TMEM181: variants seen among roughly 807,000 people sequenced by gnomAD.
The protein encoded by TMEM181 is transmembrane protein 181.
TMEM181 carries 39 observed loss-of-function variants against 71.9 expected under a neutral mutation model. That is an observed-to-expected ratio of 0.54 (90% CI 0.42 to 0.71). The LOEUF (loss-of-function observed/expected upper bound fraction) is 0.71, where lower values mean the gene tolerates loss of function less well. TMEM181 is among the 30% of genes least tolerant of loss of function. The pLI, the probability that TMEM181 is intolerant of heterozygous loss-of-function variation, is 0.00. For synonymous variants in TMEM181, 245 were observed against 228.8 expected, an observed-to-expected ratio of 1.07 and a Z score of -0.64; for missense variants, 595 against 583.0, an observed-to-expected ratio of 1.02 and a Z score of -0.21.
chr6:158,569,205 C>T (rs1043110091), intron 1 of TMEM181, among the ~76,000 whole-genome samples: 6 of 152,180 alleles, frequency 3.9e-5, no homozygotes, highest in African/African-American at 1.2e-4. Context: ...TTGATCATCA[C>T]GCAGAATTAT....
intron 1 of TMEM181, among the ~76,000 whole-genome samples, chr6:158,547,887 CAAAAA>C (rs34148643): frequency 8.8e-5 from 5 of 57,040 alleles, no homozygotes; most frequent in Admixed American, 2.0e-4. Flanking sequence ...AACTCTGTCT[CAAAAA>C]AAAAAAAAAA....
intron 6 of TMEM181, among the ~76,000 whole-genome samples, chr6:158,595,420 C>G (rs1784336172): frequency 1.3e-5 from 2 of 152,158 alleles, no homozygotes; most frequent in African/African-American, 4.8e-5. Flanking sequence ...GCCCTTGCCC[C>G]CTGCTGGGGA....
intron 1 of TMEM181, among the ~76,000 whole-genome samples, chr6:158,548,531 C>T (rs1278467298): frequency 6.6e-6 from 1 of 152,226 alleles, no homozygotes; most frequent in African/African-American, 2.4e-5. Flanking sequence ...AATCAGCCAG[C>T]TGCTCTGGCC....
Position 158,567,745 on chromosome 6 carries a change from G to A in TMEM181, c.9-5675G>A, listed in dbSNP as rs570348155. Among the ~76,000 whole-genome samples, 12 of 152,306 alleles carry A rather than the reference G, an allele frequency of 7.9e-5. No homozygotes were observed. The East Asian group carries it at 1.2e-3, about 15-fold the overall frequency. ...TGCACTTAGCAGCCTTGTGATCTAG[G>A]GCAAGTAATGGAACCTTCCTGAGTC... On this transcript the variant is annotated intron_variant, in intron 1 of 16. Coordinates refer to ENST00000684151, the MANE Select transcript of TMEM181 (RefSeq NM_001376852.1).
chr6:158,625,019 G>C (rs1583054282), intron 11 of TMEM181, 85 bp from the exon 12 acceptor site: 1 of 1,060,868 alleles, frequency 9.4e-7, no homozygotes, highest in East Asian at 2.4e-5. Flanking sequence ...CTAAAAACCT[G>C]TGGCTTTCCT....
chr6:158,537,510 G>C (rs1781168056), intron 1 of TMEM181, among the ~76,000 whole-genome samples: 1 of 152,160 alleles, frequency 6.6e-6, no homozygotes, highest in African/African-American at 2.4e-5. Context: ...GGTGGGGACT[G>C]CAGACCCTGG....
chr6:158,584,105 T>C lies in TMEM181; in HGVS notation c.259+61T>C, dbSNP rs1438124563. ...ATACGAAGAAACATCGTATTTTAGA[T>C]GTTGACTTCAGAATATTCAGACAAG... On this transcript the variant is annotated intron_variant, in intron 4 of 16. Coordinates refer to ENST00000684151, the MANE Select transcript of TMEM181 (RefSeq NM_001376852.1). 2.1e-6 allele frequency: 3 copies of C among 1,410,496 alleles called. No individual in the cohort carries two copies. The African/African-American group carries it at 4.3e-5, about 20-fold the overall frequency. 87.4% of individuals were successfully genotyped at this position (1,410,496 alleles called of 1,614,324 possible).
At chr6:158,552,032 A>T (rs1781737958) in intron 1 of TMEM181, among the ~76,000 whole-genome samples, 1 of 152,236 alleles carries the variant, frequency 6.6e-6, no homozygotes, top group Non-Finnish European at 1.5e-5. Context: ...TCAAGACAGG[A>T]TCACAGCTCA....
intron 6 of TMEM181, among the ~76,000 whole-genome samples, chr6:158,591,601 G>A (rs1784114943): frequency 6.6e-6 from 1 of 151,958 alleles, no homozygotes; most frequent in Non-Finnish European, 1.5e-5. Context: ...GGTGCACTGA[G>A]CTTAGGCATA....
intron 6 of TMEM181, among the ~76,000 whole-genome samples, chr6:158,599,841 C>T (rs949021814): frequency 1.1e-4 from 17 of 152,254 alleles, no homozygotes; most frequent in Admixed American, 1.1e-3. Flanking sequence ...AAACGCATGT[C>T]AGATTGAGCT....
chr6:158,593,800 CAG>C (rs1441757149), intron 6 of TMEM181, among the ~76,000 whole-genome samples: 10 of 152,040 alleles, frequency 6.6e-5, no homozygotes, highest in South Asian at 4.2e-4. Context: ...GAGGAAGGTA[CAG>C]AGAGTTCCTA....
chr6:158,573,175 G>A lies in TMEM181; in HGVS notation c.9-245G>A, dbSNP rs150932616. Among the ~76,000 whole-genome samples the A allele has an allele frequency of 5.2e-3, 788 of 152,086 alleles. 5 individuals carry two copies. The highest frequency in any genetic ancestry group is 0.017 in the African/African-American group (702 of 41,472). ...GGGGTTGGTGTGCTGCGTGCAGACCGCGGTGGCTGGTGTGTCCACGGACCC... is the reference window on the plus strand; with the variant it reads ...GGGGTTGGTGTGCTGCGTGCAGACCACGGTGGCTGGTGTGTCCACGGACCC... On this transcript the variant is annotated intron_variant, in intron 1 of 16. Transcript: ENST00000684151.
At position 158,625,548 on chromosome 6, in the gene TMEM181, C is replaced by T. The variant is rs573126700; in HGVS notation, c.1058-155C>T. ...ACACCATCCTGGCCCTGGGAAGGGACCAACGTTCTCCTAGGCTGCTGGCGA... is the reference window on the plus strand; with the variant it reads ...ACACCATCCTGGCCCTGGGAAGGGATCAACGTTCTCCTAGGCTGCTGGCGA... On this transcript the variant is annotated intron_variant, in intron 12 of 16. Coordinates refer to ENST00000684151, the MANE Select transcript of TMEM181 (RefSeq NM_001376852.1). Among the ~76,000 whole-genome samples the T allele has an allele frequency of 5.3e-5, 8 of 152,238 alleles. No homozygotes were observed. The South Asian group carries it at 1.7e-3, about 32-fold the overall frequency.
At position 158,632,181 on chromosome 6, in the gene TMEM181, T is replaced by A; in HGVS notation, c.*293T>A. 2.4e-6 allele frequency: 1 copy of A among 411,626 alleles called. No homozygotes were observed. 25.5% of individuals were successfully genotyped at this position (411,626 alleles called of 1,614,324 possible). A position where few individuals can be genotyped will look rare whatever the true frequency, so the allele number is the denominator to read the frequency against. On this transcript the variant is annotated 3_prime_UTR_variant, in exon 17 of 17. Coordinates refer to ENST00000684151, the MANE Select transcript of TMEM181 (RefSeq NM_001376852.1). Reference sequence around the variant, plus strand: ...TCAGTGATGAGGAAATTTCACGTTTTTAGTACAGTGAATTATGTACTTTTT... The same window carrying A: ...TCAGTGATGAGGAAATTTCACGTTTATAGTACAGTGAATTATGTACTTTTT...
chr6:158,557,112 C>T (rs376274457), upstream of TMEM181, among the ~76,000 whole-genome samples: 1 of 152,112 alleles, frequency 6.6e-6, no homozygotes. Flanking sequence ...GGCGGTGCAC[C>T]TCCTAGGATC....
In TMEM181 at chr6:158,629,812, C is replaced by T. The variant is rs1220271179; in HGVS notation, c.1275C>T (p.Ala425=). ...TTGTATATTCTCCATCGAAGAATGC[C>T]CTCTATGGTAAGCCACCCTGGGGTC... The part of the protein sequence containing the change: ...LAFVYSPSKN[A]LYESQLKDNP... The change falls in exon 15 of 17, where the codon GCC becomes GCT. Residue 425 remains alanine (A), a synonymous_variant. Coordinates refer to ENST00000684151, the MANE Select transcript of TMEM181 (RefSeq NM_001376852.1). 2.3e-5 allele frequency: 37 copies of T among 1,613,612 alleles called. No homozygotes were observed. Among genetic ancestry groups the T allele is most frequent in the Non-Finnish European group, 3.0e-5 (35 of 1,179,658 alleles).
chr6:158,628,107 A>C (rs960607722), intron 13 of TMEM181, among the ~76,000 whole-genome samples: 3 of 152,176 alleles, frequency 2.0e-5, no homozygotes, highest in Non-Finnish European at 2.9e-5. Flanking sequence ...TGTGCCAAGG[A>C]GGCTTCAAGG....
chr6:158,605,370 A>C (rs760674774), intron 7 of TMEM181, 23 bp downstream of exon 7: 2 of 1,608,002 alleles, frequency 1.2e-6, no homozygotes, highest in Non-Finnish European at 1.7e-6. Flanking sequence ...CGCCTGATGG[A>C]CCGCAGCAGA....
intron 1 of TMEM181, among the ~76,000 whole-genome samples, chr6:158,563,143 TTTTG>T (rs1782280480): frequency 6.6e-6 from 1 of 152,130 alleles, no homozygotes; most frequent in Non-Finnish European, 1.5e-5. Context: ...AAACGGGATG[TTTTG>T]TTTGTTTGTA....
Sources: gnomAD v4.1 joint callset for allele counts (sites outside exome capture counted in the v4.1 genomes callset) on GRCh38, gnomAD v4.1.1 for gene constraint, MANE v1.5 for transcripts, NCBI Gene and HGNC (gene_info 2026-07-23, HGNC 2026-07-21) for gene names.